Variants in KANSL2 observed in about 807,000 individuals in gnomAD.
KANSL2 encodes NSL complex protein NSL2.
A neutral mutation model predicts 55.6 loss-of-function variants in KANSL2; 34 were observed. The ratio of observed to expected loss-of-function variants is 0.61; its 90% CI spans 0.46 to 0.81. The LOEUF (loss-of-function observed/expected upper bound fraction) is 0.81. KANSL2 is among the 40% of genes least tolerant of loss of function. The pLI is 0.00. For synonymous variants in KANSL2, 209 were observed against 214.3 expected, an observed-to-expected ratio of 0.98 and a Z score of 0.22; for missense variants, 502 against 609.9, an observed-to-expected ratio of 0.82 and a Z score of 1.86.
chr12:48,667,502 G>A lies in KANSL2; in HGVS notation c.973+191C>T, dbSNP rs570879619. 2.5e-4 allele frequency: 182 copies of A among 719,744 alleles called. 3 individuals are homozygous for A. Among genetic ancestry groups the A allele is most frequent in the South Asian group, 2.5e-3 (181 of 73,054 alleles). The allele number at this position is 719,744 out of a possible 1,614,324, so 44.6% of individuals were successfully genotyped here. A position where few individuals can be genotyped will look rare whatever the true frequency, so the allele number is the denominator to read the frequency against. ...TTGACCATTACATTTCCAAAGTTATGAAATGGCCAACAGACCATAGAAAGA... is the reference window on the plus strand; with the variant it reads ...TTGACCATTACATTTCCAAAGTTATAAAATGGCCAACAGACCATAGAAAGA... On this transcript the variant is annotated intron_variant, in intron 7 of 9. Transcript: ENST00000420613.
chr12:48,673,335 GAA>G (rs1405599893), intron 4 of KANSL2, among the ~76,000 whole-genome samples: 2 of 151,584 alleles, frequency 1.3e-5, no homozygotes, highest in Non-Finnish European at 2.9e-5. Context: ...CAAGGCAGGC[GAA>G]TCACCTGAGG....
chr12:48,667,330 A>G (rs1222679701), intron 7 of KANSL2: 1 of 251,950 alleles, frequency 4.0e-6, no homozygotes, highest in East Asian at 9.3e-5. Context: ...TAGATTTAAC[A>G]GCATTAGGAT....
chr12:48,655,141 C>A (rs1939352644), intron 8 of KANSL2, 81 bp from the exon 9 acceptor site: 4 of 1,368,146 alleles, frequency 2.9e-6, no homozygotes, highest in Non-Finnish European at 4.0e-6. Flanking sequence ...AACTTTAAAG[C>A]AATACTCTGC....
chr12:48,653,672 T>C lies in KANSL2; in HGVS notation c.*372A>G, dbSNP rs1233412081. 6.1e-6 allele frequency: 1 copy of C among 164,068 alleles called. No homozygotes were observed. The highest frequency in any genetic ancestry group is 2.4e-5 in the African/African-American group (1 of 41,840). 10.2% of individuals were successfully genotyped at this position (164,068 alleles called of 1,614,324 possible). On this transcript the variant is annotated 3_prime_UTR_variant, in exon 10 of 10. Transcript: ENST00000420613. ...TAAACTGCAGGTCTTCAGATAGAGA[T>C]AACCGATATTAGGGCCATCAGTATC... is the stretch of plus-strand genomic sequence containing the variant.
chr12:48,677,418 C>A (rs76344535), intron 4 of KANSL2, among the ~76,000 whole-genome samples: 14 of 152,208 alleles, frequency 9.2e-5, no homozygotes, highest in African/African-American at 3.4e-4. Context: ...AACGACACTC[C>A]CTTTGTAACC....
Position 48,679,799 on chromosome 12 carries a change from C to A in KANSL2, c.286G>T (p.Ala96Ser). Residue 96 changes from alanine (A) to serine (S), a missense_variant, in exon 3 of 10, where the codon GCC becomes TCC. By Grantham distance (99) the Ala-to-Ser change is moderately conservative (BLOSUM62 1). Transcript: ENST00000420613. ...SFCAEHVRRN[A>S]LALHAQMKKT... ...TTCATTTGAGCATGAAGTGCCAGGG[C>A]ATTCCTACGGACATGTTCAGCACAG... 1 of 1,606,942 alleles carries A rather than the reference C, an allele frequency of 6.2e-7. No individual in the cohort carries two copies. The highest frequency in any genetic ancestry group is 1.7e-5 in the Admixed American group (1 of 58,784).
At chr12:48,662,639 G>A (rs1305582022) in intron 7 of KANSL2, 1 of 1,287,048 alleles carries the variant, frequency 7.8e-7, no homozygotes, top group Non-Finnish European at 1.0e-6. Flanking sequence ...GTCACCAATG[G>A]CAGTCGCATC....
At chr12:48,667,641 C>T (rs748725835) in intron 7 of KANSL2, 52 bp downstream of exon 7, 1 of 1,366,852 alleles carries the variant, frequency 7.3e-7, no homozygotes, top group South Asian at 1.2e-5. Flanking sequence ...GAGATTCCCA[C>T]TAGTCTTCAA....
chr12:48,662,510 T>G (rs773426724), intron 7 of KANSL2: 132 of 1,199,642 alleles, frequency 1.1e-4, no homozygotes, highest in Non-Finnish European at 1.3e-4. Context: ...CCACCCGCTT[T>G]CCTTTCAGAT....
intron 7 of KANSL2, among the ~76,000 whole-genome samples, chr12:48,662,948 A>G (rs1295014951): frequency 6.6e-6 from 1 of 152,214 alleles, no homozygotes; most frequent in Non-Finnish European, 1.5e-5. Flanking sequence ...TGCACAAATT[A>G]TCACATTTCT....
At chr12:48,663,913 C>CTTTTTT (rs34879709) in intron 7 of KANSL2, among the ~76,000 whole-genome samples, 7 of 112,548 alleles carry the variant, frequency 6.2e-5, no homozygotes, top group South Asian at 3.1e-4. Context: ...AACTATTAGC[C>CTTTTTT]TTTTTTTTTT....
chr12:48,663,913 C>CG (rs1939536370), intron 7 of KANSL2, among the ~76,000 whole-genome samples: 8 of 112,550 alleles, frequency 7.1e-5, no homozygotes, highest in African/African-American at 2.5e-4. Flanking sequence ...AACTATTAGC[C>CG]TTTTTTTTTT....
Position 48,682,181 on chromosome 12 carries a change from T to C in KANSL2, c.-10+6A>G, listed in dbSNP as rs772467037. The C allele has an allele frequency of 1.9e-5, 13 of 693,208 alleles. No homozygotes were observed. Among genetic ancestry groups the C allele is most frequent in the Admixed American group, 4.1e-5 (2 of 48,956 alleles). 42.9% of individuals were successfully genotyped at this position (693,208 alleles called of 1,614,324 possible). On this transcript the variant is annotated splice_donor_region_variant and intron_variant, in intron 1 of 9. Transcript: ENST00000420613. ...GAGCTTAGAGGAAAGAGCACCGCCA[T>C]CTTACCTCAGGAGCTGCGCTGCGCC...
chr12:48,678,439 C>T (rs1307673353), intron 4 of KANSL2, among the ~76,000 whole-genome samples: 2 of 151,910 alleles, frequency 1.3e-5, no homozygotes, highest in Non-Finnish European at 2.9e-5. Context: ...TCTTGAATAC[C>T]TTTTTATTCT....
intron 7 of KANSL2, chr12:48,662,644 C>T (rs1436623060): frequency 2.3e-6 from 3 of 1,286,820 alleles, no homozygotes; most frequent in African/African-American, 1.5e-5. Flanking sequence ...CAATGGCAGT[C>T]GCATCTTTCT....
intron 7 of KANSL2, chr12:48,661,268 T>C: frequency 1.1e-6 from 1 of 916,584 alleles, no homozygotes; most frequent in South Asian, 5.1e-5. Flanking sequence ...AAATTTTGTG[T>C]ATGAAGGCCC....
intron 7 of KANSL2, among the ~76,000 whole-genome samples, chr12:48,663,100 T>C (rs1463178028): frequency 6.6e-6 from 1 of 152,228 alleles, no homozygotes; most frequent in East Asian, 1.9e-4. Context: ...CCACACTATG[T>C]TGTGTCATTA....
rs532132185 is a variant in KANSL2, at chr12:48,661,266, T to C, written c.974-647A>G. Reference sequence around the variant, plus strand: ...ATCCTAAAGGAAGAAGAAAATTTTGTGTATGAAGGCCCATTGAAAAAAAAA... The same window carrying C: ...ATCCTAAAGGAAGAAGAAAATTTTGCGTATGAAGGCCCATTGAAAAAAAAA... On this transcript the variant is annotated intron_variant, in intron 7 of 9. Transcript: ENST00000420613. The C allele has an allele frequency of 1.3e-5, 12 of 926,876 alleles. 1 individual carries two copies. In the South Asian group the frequency reaches 5.5e-4, roughly 43 times the overall value. 57.4% of individuals were successfully genotyped at this position (926,876 alleles called of 1,614,324 possible).
At chr12:48,673,198 C>T (rs1939759614) in intron 4 of KANSL2, among the ~76,000 whole-genome samples, 1 of 152,108 alleles carries the variant, frequency 6.6e-6, no homozygotes, top group Admixed American at 6.6e-5. Flanking sequence ...CTAGGTTAAC[C>T]CTTAATTGCC....
Sources: gnomAD v4.1 joint callset for allele counts (sites outside exome capture counted in the v4.1 genomes callset) on GRCh38, gnomAD v4.1.1 for gene constraint, MANE v1.5 for transcripts, NCBI Gene and HGNC (gene_info 2026-07-23, HGNC 2026-07-21) for gene names.